Variants in CCSER1 observed in about 807,000 individuals in gnomAD.
The protein encoded by CCSER1 is coiled-coil serine rich protein 1.
CCSER1 carries 41 observed loss-of-function variants against 82.0 expected under a neutral mutation model. The observed-to-expected ratio is 0.50, with a 90% CI of 0.39 to 0.65. The LOEUF (loss-of-function observed/expected upper bound fraction) is 0.65. CCSER1 is among the 30% of genes least tolerant of loss of function. The probability of loss-of-function intolerance (pLI) is 0.00; values close to 1 mark genes in which losing one functional copy is unlikely to be tolerated. For missense variants in CCSER1, 1,119 were observed against 1,064.2 expected (o/e 1.05, Z -0.72); for synonymous variants, 414 against 383.9 (o/e 1.08, Z -0.92).
At chr4:91,095,271 A>T (rs2148836100) in intron 10 of CCSER1, among the ~76,000 whole-genome samples, 1 of 152,168 alleles carries the variant, frequency 6.6e-6, no homozygotes, top group East Asian at 1.9e-4. Flanking sequence ...CTTCTCCTTT[A>T]GTTGGAGACA....
At chr4:90,642,064 G>A (rs751927658) in intron 6 of CCSER1, 47 of 196,212 alleles carry the variant, frequency 2.4e-4, no homozygotes, top group Non-Finnish European at 4.8e-4. Context: ...TACAGCAGAC[G>A]GCACCCTGCA....
At chr4:91,598,447 A>T in intron 10 of CCSER1, 125 bp from the exon 11 acceptor site, 1 of 997,882 alleles carries the variant, frequency 1.0e-6, no homozygotes, top group Non-Finnish European at 1.4e-6. Flanking sequence ...TTGTATTGAT[A>T]ATTTTATAAA....
At chr4:91,107,639 C>CTTTTTTT (rs55901052) in intron 10 of CCSER1, among the ~76,000 whole-genome samples, 4 of 136,320 alleles carry the variant, frequency 2.9e-5, no homozygotes, top group African/African-American at 2.7e-5. Context: ...TTCTTTTTCT[C>CTTTTTTT]TTTTTTTTTT....
At chr4:90,553,556 C>T (rs1469935367) in intron 5 of CCSER1, among the ~76,000 whole-genome samples, 3 of 152,282 alleles carry the variant, frequency 2.0e-5, no homozygotes, top group South Asian at 2.1e-4. Context: ...AAGGTGATCA[C>T]GCCTGTGTCT....
chr4:90,596,319 A>C (rs994230609), intron 5 of CCSER1, among the ~76,000 whole-genome samples: 4 of 151,958 alleles, frequency 2.6e-5, no homozygotes, highest in Admixed American at 2.0e-4. Context: ...TTATTCAATT[A>C]AAGTTATTTA....
At chr4:91,572,059 A>T (rs1172651758) in intron 10 of CCSER1, among the ~76,000 whole-genome samples, 3 of 152,154 alleles carry the variant, frequency 2.0e-5, no homozygotes, top group Non-Finnish European at 4.4e-5. Flanking sequence ...GGGAGTTGCC[A>T]AGTTGCTACT....
intron 1 of CCSER1, among the ~76,000 whole-genome samples, chr4:90,182,977 C>T (rs1733979538): frequency 1.3e-5 from 2 of 152,056 alleles, no homozygotes; most frequent in Admixed American, 1.3e-4. Context: ...TGTAATTACA[C>T]ACAAAAATAT....
At chr4:90,294,307 T>G (rs936543711) in intron 1 of CCSER1, among the ~76,000 whole-genome samples, 1 of 152,028 alleles carries the variant, frequency 6.6e-6, no homozygotes, top group Non-Finnish European at 1.5e-5. Context: ...AGCCTAGGAT[T>G]TGAGACCTGC....
intron 4 of CCSER1, among the ~76,000 whole-genome samples, chr4:90,467,504 C>A (rs2061276090): frequency 6.6e-6 from 1 of 151,742 alleles, no homozygotes; most frequent in African/African-American, 2.4e-5. Flanking sequence ...GCCAACCTGG[C>A]AAAATCCCAT....
rs569992105 is a variant in CCSER1 at position 91,498,821 on chromosome 4, A to C, written c.2218-99751A>C. ...ATGTGTTATGATGAGTATGTATCAC[A>C]TAAAATATGTCCCATTAAATAAGTT... is the stretch of plus-strand genomic sequence containing the variant. On this transcript the variant is annotated intron_variant, in intron 10 of 10. Transcript: ENST00000509176. Among the ~76,000 whole-genome samples, 9 of 152,052 alleles carry C rather than the reference A, an allele frequency of 5.9e-5. No homozygotes were observed. In the East Asian group the frequency reaches 1.5e-3, roughly 26 times the overall value.
rs1747954225 is a variant in CCSER1, at chr4:90,374,368, T to C, written c.1510-25668T>C. 2.0e-5 allele frequency among the ~76,000 whole-genome samples: 3 copies of C among 152,268 alleles called. No homozygotes were observed. The South Asian group carries it at 6.2e-4, about 32-fold the overall frequency. On this transcript the variant is annotated intron_variant, in intron 3 of 10. Transcript: ENST00000509176. ...GAAAGCGTGCATAAAGAGAGCTGCT[T>C]GAACAGTGCTGGACTTGTTGCAAAT...
chr4:90,566,382 T>C (rs1779382272), intron 5 of CCSER1, among the ~76,000 whole-genome samples: 1 of 151,944 alleles, frequency 6.6e-6, no homozygotes, highest in African/African-American at 2.4e-5. Context: ...AATTATTCTT[T>C]AAATGTTTAA....
At chr4:90,616,372 T>C (rs900329835) in intron 5 of CCSER1, among the ~76,000 whole-genome samples, 3 of 152,010 alleles carry the variant, frequency 2.0e-5, no homozygotes, top group Admixed American at 6.6e-5. Flanking sequence ...TAACAAACTG[T>C]CGAAGAATAA....
intron 1 of CCSER1, among the ~76,000 whole-genome samples, chr4:90,304,838 G>A (rs2153476216): frequency 6.6e-6 from 1 of 151,930 alleles, no homozygotes; most frequent in Admixed American, 6.6e-5. Context: ...GTTTAAAAAT[G>A]TTTCTCATTA....
chr4:91,343,688 G>T (rs931767833), intron 10 of CCSER1, among the ~76,000 whole-genome samples: 1 of 152,074 alleles, frequency 6.6e-6, no homozygotes, highest in Admixed American at 6.6e-5. Context: ...GCGTGGAGAT[G>T]ATAGATCTTT....
chr4:90,505,352 G>A (rs1770537500), intron 5 of CCSER1, among the ~76,000 whole-genome samples: 1 of 152,174 alleles, frequency 6.6e-6, no homozygotes, highest in Non-Finnish European at 1.5e-5. Flanking sequence ...AATAAAGAAT[G>A]TAGGGAAAGA....
chr4:90,291,734 A>G (rs1730978432), intron 1 of CCSER1, among the ~76,000 whole-genome samples: 1 of 152,014 alleles, frequency 6.6e-6, no homozygotes, highest in Non-Finnish European at 1.5e-5. Flanking sequence ...TTAAAGTCAA[A>G]GAACAATATA....
intron 9 of CCSER1, among the ~76,000 whole-genome samples, chr4:91,072,704 C>A (rs1721560666): frequency 6.6e-6 from 1 of 152,022 alleles, no homozygotes; most frequent in African/African-American, 2.4e-5. Flanking sequence ...TTCAACTCTG[C>A]TTTCTTTGAT....
At chr4:91,275,785 A>G (rs988787680) in intron 10 of CCSER1, among the ~76,000 whole-genome samples, 1 of 152,146 alleles carries the variant, frequency 6.6e-6, no homozygotes, top group Non-Finnish European at 1.5e-5. Flanking sequence ...GCAGTTTTAT[A>G]GTTTCAGCTT....
Sources: allele counts gnomAD v4.1 joint callset (sites outside exome capture counted in the v4.1 genomes callset), GRCh38; gene constraint gnomAD v4.1.1; transcripts MANE v1.5; gene names NCBI Gene and HGNC (gene_info 2026-07-23, HGNC 2026-07-21).